Variants in PIK3C2G observed in about 807,000 individuals in gnomAD.
PIK3C2G encodes the protein phosphatidylinositol 3-kinase C2 domain-containing subunit gamma.
PIK3C2G carries 168 observed loss-of-function variants against 181.1 expected under a neutral mutation model. The observed-to-expected ratio is 0.93, with a 90% CI of 0.82 to 1.05. The LOEUF (loss-of-function observed/expected upper bound fraction) is 1.05, where lower values mean the gene tolerates loss of function less well. Among genes scored for constraint, PIK3C2G ranks in the 50% least tolerant of loss-of-function variants. The probability of loss-of-function intolerance (pLI) is 0.00; values close to 1 mark genes in which losing one functional copy is unlikely to be tolerated. For missense variants in PIK3C2G, 1,869 were observed against 1,732.8 expected (o/e 1.08, Z -1.40); for synonymous variants, 573 against 592.2 (o/e 0.97, Z 0.47).
At chr12:18,693,791 C>G in the PIK3C2G span, 1 of 1,513,614 alleles carries the variant, frequency 6.6e-7, no homozygotes, top group South Asian at 1.1e-5. Flanking sequence ...AACTTTGGAT[C>G]CAGCGCTTAT....
chr12:18,559,765 A>G (rs1945196726), intron 26 of PIK3C2G, among the ~76,000 whole-genome samples: 2 of 116,526 alleles, frequency 1.7e-5, no homozygotes, highest in South Asian at 6.5e-4. Flanking sequence ...CTCAGAATGT[A>G]TTGTATGAAA....
chr12:18,454,132 A>G (rs1276476710), intron 18 of PIK3C2G, among the ~76,000 whole-genome samples: 1 of 152,186 alleles, frequency 6.6e-6, no homozygotes, highest in Non-Finnish European at 1.5e-5. Flanking sequence ...ATGAATGCCT[A>G]CTATATGTTA....
chr12:18,519,817 G>A (rs947991589), intron 24 of PIK3C2G, among the ~76,000 whole-genome samples: 1 of 151,886 alleles, frequency 6.6e-6, no homozygotes, highest in Non-Finnish European at 1.5e-5. Context: ...AGTGTCATTA[G>A]TCTTTATATT....
chr12:18,696,348 A>ATATATATATATATATATATATCTATC, the PIK3C2G span: 2 of 214,170 alleles, frequency 9.3e-6, no homozygotes, highest in Admixed American at 6.9e-5. Context: ...ATATATATAT[A>ATATATATATATATATATATATCTATC]TATCATATAA....
intron 18 of PIK3C2G, among the ~76,000 whole-genome samples, chr12:18,456,704 T>C (rs917724248): frequency 1.3e-5 from 2 of 152,188 alleles, no homozygotes; most frequent in Non-Finnish European, 2.9e-5. Flanking sequence ...CTTTTCCTAT[T>C]GGCACAGTTG....
chr12:18,578,143 G>T (rs1449014723), intron 29 of PIK3C2G, among the ~76,000 whole-genome samples: 1 of 152,158 alleles, frequency 6.6e-6, no homozygotes, highest in Non-Finnish European at 1.5e-5. Flanking sequence ...TAATTCTAGT[G>T]ATTCAGATGC....
chr12:18,625,478 G>A (rs1206032709), intron 31 of PIK3C2G, among the ~76,000 whole-genome samples: 1 of 151,758 alleles, frequency 6.6e-6, no homozygotes, highest in Non-Finnish European at 1.5e-5. Flanking sequence ...GTGTGCTTAA[G>A]AGAAAACTTT....
chr12:18,438,861 T>A lies in PIK3C2G; in HGVS notation c.2504+14822T>A, dbSNP rs567255057. Among the ~76,000 whole-genome samples, 16 of 152,034 alleles carry A rather than the reference T, an allele frequency of 1.1e-4. No homozygotes were observed. The South Asian group carries it at 3.3e-3, about 31-fold the overall frequency. Reference sequence around the variant, plus strand: ...TTATTACCTATACAAGAAATACAATTGGGCTTAACACAGTTTTTATTAAAC... The same window carrying A: ...TTATTACCTATACAAGAAATACAATAGGGCTTAACACAGTTTTTATTAAAC... On this transcript the variant is annotated intron_variant, in intron 18 of 32. Transcript: ENST00000538779.
chr12:18,687,185 A>G, the PIK3C2G span, among the ~76,000 whole-genome samples: 2 of 152,124 alleles, frequency 1.3e-5, no homozygotes, highest in African/African-American at 2.4e-5. Context: ...ATCTTTTTCC[A>G]TGACTTTCGC....
chr12:18,615,422 G>A (rs939220945), intron 31 of PIK3C2G, among the ~76,000 whole-genome samples: 3 of 149,824 alleles, frequency 2.0e-5, no homozygotes, highest in Admixed American at 6.7e-5. Flanking sequence ...ACACCTAAAT[G>A]TGGTATATAT....
At chr12:18,259,723 T>C (rs772385152), upstream of PIK3C2G, among the ~76,000 whole-genome samples, 4 of 149,740 alleles carry the variant, frequency 2.7e-5, no homozygotes, top group Non-Finnish European at 4.4e-5. Context: ...GTTAACATAA[T>C]AGACAGGAAA....
chr12:18,422,575 G>C (rs2135711111), intron 17 of PIK3C2G, among the ~76,000 whole-genome samples: 1 of 152,096 alleles, frequency 6.6e-6, no homozygotes, highest in African/African-American at 2.4e-5. Flanking sequence ...CAGACCCAGG[G>C]GTTACTGCAA....
chr12:18,271,622 A>C (rs1455836943), intron 1 of PIK3C2G, among the ~76,000 whole-genome samples: 1 of 151,998 alleles, frequency 6.6e-6, no homozygotes, highest in East Asian at 1.9e-4. Context: ...TTTTTCTCCT[A>C]CCTCTCAGAC....
At chr12:18,692,473 T>G in the PIK3C2G span, among the ~76,000 whole-genome samples, 1 of 152,154 alleles carries the variant, frequency 6.6e-6, no homozygotes, top group African/African-American at 2.4e-5. Context: ...TCTTTACTAA[T>G]GGAAACAAAT....
chr12:18,714,620 T>C, the PIK3C2G span: 4 of 152,214 alleles, frequency 2.6e-5, no homozygotes, highest in African/African-American at 7.2e-5. Context: ...CATAGAGATA[T>C]TTTTCCATAG....
Position 18,546,311 on chromosome 12 carries a change from G to T in PIK3C2G, c.3481-12G>T, listed in dbSNP as rs754125085. On this transcript the variant is annotated splice_polypyrimidine_tract_variant and intron_variant, in intron 25 of 32. Transcript: ENST00000538779. ...TCTTCTTTTTGCTTTGCTTGTTCTT[G>T]TTGTGGTTAAGATGCTGTATGCAGG... The T allele has an allele frequency of 1.4e-6, 2 of 1,434,064 alleles. No individual in the cohort carries two copies. Among genetic ancestry groups the T allele is most frequent in the South Asian group, 1.2e-5 (1 of 83,670 alleles). 88.8% of individuals were successfully genotyped at this position (1,434,064 alleles called of 1,614,324 possible). A position where few individuals can be genotyped will look rare whatever the true frequency, so the allele number is the denominator to read the frequency against.
At chr12:18,724,832 G>T in the PIK3C2G span, among the ~76,000 whole-genome samples, 36 of 151,846 alleles carry the variant, frequency 2.4e-4, no homozygotes, top group Admixed American at 2.0e-4. Context: ...TGAAAATTTT[G>T]GTTATAGAAA....
chr12:18,669,879 C>T, the PIK3C2G span, among the ~76,000 whole-genome samples: 1 of 152,130 alleles, frequency 6.6e-6, no homozygotes, highest in Non-Finnish European at 1.5e-5. Context: ...CCACGTTGCT[C>T]AGGCTGGTCT....
rs116421823 is a variant in PIK3C2G at position 18,443,937 on chromosome 12, C to G, written c.2504+19898C>G. On this transcript the variant is annotated intron_variant, in intron 18 of 32. Coordinates refer to ENST00000538779, the MANE Select transcript of PIK3C2G (RefSeq NM_001288772.2). ...CACACAGTTGCCACTTCAACATTCC[C>G]AATTCATAAAGCATTATATAACTAT... is the stretch of plus-strand genomic sequence containing the variant. 7.6e-3 allele frequency among the ~76,000 whole-genome samples: 1,162 copies of G among 152,266 alleles called. 15 individuals are homozygous for G. The highest frequency in any genetic ancestry group is 0.027 in the African/African-American group (1,106 of 41,562).
Sources: allele counts gnomAD v4.1 joint callset (sites outside exome capture counted in the v4.1 genomes callset), GRCh38; gene constraint gnomAD v4.1.1; transcripts MANE v1.5; gene names NCBI Gene and HGNC (gene_info 2026-07-23, HGNC 2026-07-21).